Variants in ZYG11A observed in about 807,000 individuals in gnomAD.
The protein encoded by ZYG11A is zyg-11 family member A, cell cycle regulator.
ZYG11A carries 62 observed loss-of-function variants against 77.2 expected under a neutral mutation model. The ratio of observed to expected loss-of-function variants is 0.80; its 90% confidence interval spans 0.65 to 0.99. The LOEUF is 0.99. Among genes scored for constraint, ZYG11A ranks in the 50% least tolerant of loss-of-function variants. The pLI is 0.00. For missense variants in ZYG11A, 828 were observed against 896.8 expected, an observed-to-expected ratio of 0.92 and a Z score of 0.98; for synonymous variants, 315 against 324.6, an observed-to-expected ratio of 0.97 and a Z score of 0.32.
At chr1:52,870,764 G>T (rs1017426807) in intron 8 of ZYG11A, among the ~76,000 whole-genome samples, 2 of 152,170 alleles carry the variant, frequency 1.3e-5, no homozygotes, top group African/African-American at 4.8e-5. Context: ...GGCAGGCTGA[G>T]GCAGGAGAGT....
At chr1:52,888,440 C>T (rs1481913977) in intron 13 of ZYG11A, among the ~76,000 whole-genome samples, 2 of 152,130 alleles carry the variant, frequency 1.3e-5, no homozygotes, top group East Asian at 1.9e-4. Flanking sequence ...TCACTGCAAC[C>T]TCTGCCTCCT....
intron 3 of ZYG11A, among the ~76,000 whole-genome samples, chr1:52,857,975 T>C (rs544706982): frequency 2.7e-4 from 41 of 152,024 alleles, no homozygotes; most frequent in African/African-American, 9.4e-4. Context: ...TTAATAGAGA[T>C]TGGGTTTCTT....
At chr1:52,869,443 ACT>A in intron 8 of ZYG11A, among the ~76,000 whole-genome samples, 1 of 150,608 alleles carries the variant, frequency 6.6e-6, no homozygotes. Context: ...AGTGGTGATG[ACT>A]CTTAACGAGC....
chr1:52,862,816 T>C (rs1645955638), intron 4 of ZYG11A, among the ~76,000 whole-genome samples: 1 of 152,162 alleles, frequency 6.6e-6, no homozygotes, highest in African/African-American at 2.4e-5. Context: ...TCTCACTCTG[T>C]TGCCCAGGCT....
In ZYG11A at chr1:52,867,606, G is replaced by A; in HGVS notation, c.1459G>A (p.Ala487Thr). 1.3e-6 allele frequency: 2 copies of A among 1,552,204 alleles called. No individual in the cohort carries two copies. Among genetic ancestry groups the A allele is most frequent in the Non-Finnish European group, 1.7e-6 (2 of 1,147,074 alleles). Residue 487 changes from alanine (A) to threonine (T), a missense_variant, in exon 7 of 14, where the codon GCA becomes ACA. By Grantham distance (58) the Ala-to-Thr change is moderately conservative. Coordinates refer to ENST00000371528, the MANE Select transcript of ZYG11A (RefSeq NM_001004339.3). Reference sequence around the variant, plus strand: ...TGAAAACCCCAAGATGCAAACAATGGCAGTGAGTGTCACCTCTATTCTGGC... The same window carrying A: ...TGAAAACCCCAAGATGCAAACAATGACAGTGAGTGTCACCTCTATTCTGGC... ...KHENPKMQTM[A>T]VSVTSILALQ... is the part of the protein sequence containing the mutation.
chr1:52,878,059 A>G, intron 10 of ZYG11A, 90 bp downstream of exon 10: 1 of 1,107,692 alleles, frequency 9.0e-7, no homozygotes, highest in South Asian at 1.4e-5. Context: ...GCAGTATTGT[A>G]AGCAATTTAC....
intron 10 of ZYG11A, among the ~76,000 whole-genome samples, chr1:52,879,235 C>T (rs499195): frequency 0.41 from 61,973 of 151,980 alleles, 15,412 homozygotes; most frequent in Non-Finnish European, 0.57. Context: ...TGGAAAAATA[C>T]GGATGCATGA....
chr1:52,842,895 C>T lies in ZYG11A; in HGVS notation c.12C>T (p.Phe4=), dbSNP rs1162845533. 64 of 1,532,198 alleles carry T rather than the reference C, an allele frequency of 4.2e-5. No homozygotes were observed. The highest frequency in any genetic ancestry group is 5.4e-5 in the Non-Finnish European group (62 of 1,138,992). The allele number at this position is 1,532,198 out of a possible 1,614,324, so 94.9% of individuals were successfully genotyped here. A position where few individuals can be genotyped will look rare whatever the true frequency, so the allele number is the denominator to read the frequency against. MVH[F]LHPGHTPRNI... Reference sequence around the variant, plus strand: ...CCGCCGGGGTTGCCATGGTTCATTTCTTGCACCCGGGCCACACGCCCCGGA... The same window carrying T: ...CCGCCGGGGTTGCCATGGTTCATTTTTTGCACCCGGGCCACACGCCCCGGA... The change falls in exon 1 of 14, where the codon TTC becomes TTT. Residue 4 remains phenylalanine, a synonymous_variant. Transcript: ENST00000371528.
At chr1:52,866,641 G>A in intron 6 of ZYG11A, 74 bp downstream of exon 6, 1 of 868,636 alleles carries the variant, frequency 1.2e-6, no homozygotes, top group Non-Finnish European at 1.8e-6. Flanking sequence ...GATTAAGGCT[G>A]GGATAAGGTG....
At position 52,881,483 on chromosome 1, in the gene ZYG11A, G is replaced by A. The variant is rs1646360631; in HGVS notation, c.1762G>A (p.Glu588Lys). 1 of 1,550,046 alleles carries A rather than the reference G, an allele frequency of 6.5e-7. No individual in the cohort carries two copies. The highest frequency in any genetic ancestry group is 2.0e-5 in the Admixed American group (1 of 50,808). ...ATCTGACCTGTAGAACAACATAGCA[G>A]AAGTCAGAGAGCTCTCTTCCAAGCT... ...KVLGLLNNIA[E>K]VRELSSKLVT... is the part of the protein sequence containing the mutation. The change falls in exon 11 of 14, where the codon GAA becomes AAA. Residue 588 changes from glutamate to lysine, a missense_variant. Glu to Lys is a moderately conservative substitution (Grantham distance 56). Transcript: ENST00000371528.
At chr1:52,884,695 A>G (rs1399534486) in intron 11 of ZYG11A, among the ~76,000 whole-genome samples, 2 of 152,146 alleles carry the variant, frequency 1.3e-5, no homozygotes, top group Non-Finnish European at 2.9e-5. Context: ...AGTAGTCTGA[A>G]AGCCTAGTAA....
chr1:52,842,939 C>A lies in ZYG11A; in HGVS notation c.56C>A (p.Ala19Asp). 1 of 1,530,110 alleles carries A rather than the reference C, an allele frequency of 6.5e-7. No individual in the cohort carries two copies. The highest frequency in any genetic ancestry group is 1.4e-5 in the African/African-American group (1 of 70,304). 94.8% of individuals were successfully genotyped at this position (1,530,110 alleles called of 1,614,324 possible). ...CCCCGGAACATCGTCCCTCCTGACGCTCAGAAGGATGCCCTGGGCTGCTGC... is the reference window on the plus strand; with the variant it reads ...CCCCGGAACATCGTCCCTCCTGACGATCAGAAGGATGCCCTGGGCTGCTGC... ...HTPRNIVPPD[A>D]QKDALGCCVV... Residue 19 changes from alanine to aspartate, a missense_variant, in exon 1 of 14, where the codon GCT becomes GAT. By Grantham distance (126) the Ala-to-Asp change is moderately radical. Transcript: ENST00000371528.
At chr1:52,884,842 A>T (rs1434609691) in intron 11 of ZYG11A, among the ~76,000 whole-genome samples, 2 of 151,716 alleles carry the variant, frequency 1.3e-5, no homozygotes, top group African/African-American at 4.8e-5. Flanking sequence ...TTTATTAAGG[A>T]TCACAGAAGA....
intron 13 of ZYG11A, among the ~76,000 whole-genome samples, chr1:52,889,261 A>G (rs1227291766): frequency 6.6e-6 from 1 of 152,124 alleles, no homozygotes; most frequent in Non-Finnish European, 1.5e-5. Flanking sequence ...CAGCCTCCCA[A>G]ATAGCTGGGA....
intron 8 of ZYG11A, among the ~76,000 whole-genome samples, chr1:52,870,556 C>T (rs1012437890): frequency 6.6e-6 from 1 of 152,204 alleles, no homozygotes; most frequent in Non-Finnish European, 1.5e-5. Flanking sequence ...GCCACTGCAC[C>T]CCAGCCTGGG....
At chr1:52,891,273 T>C (rs912255763) in intron 13 of ZYG11A, among the ~76,000 whole-genome samples, 2 of 151,930 alleles carry the variant, frequency 1.3e-5, no homozygotes, top group Non-Finnish European at 2.9e-5. Flanking sequence ...ACTTTTTATT[T>C]GCTTCTTTTC....
rs1348877297 is a variant in ZYG11A, at chr1:52,842,770, T to C, written c.-114T>C. The C allele has an allele frequency of 2.0e-6, 2 of 998,792 alleles. No homozygotes were observed. Among genetic ancestry groups the C allele is most frequent in the African/African-American group, 1.7e-5 (1 of 57,262 alleles). The allele number at this position is 998,792 out of a possible 1,614,324, so 61.9% of individuals were successfully genotyped here. ...CCGGCAGGGCGCGGCGCTAGCTCCG[T>C]GTGCCTCGCAGGCGTGGTGGGCGCG... On this transcript the variant is annotated 5_prime_UTR_variant, in exon 1 of 14. Coordinates refer to ENST00000371528, the MANE Select transcript of ZYG11A (RefSeq NM_001004339.3).
chr1:52,886,699 ATTTTT>A (rs386366962), intron 12 of ZYG11A, among the ~76,000 whole-genome samples: 4 of 69,136 alleles, frequency 5.8e-5, no homozygotes, highest in African/African-American at 1.9e-4. Context: ...GGCCCAGCTA[ATTTTT>A]TTTTTTTTTT....
rs1162408813 is a variant in ZYG11A, at chr1:52,845,307, C to T, written c.90+2334C>T. Among the ~76,000 whole-genome samples, 39 of 130,824 alleles carry T rather than the reference C, an allele frequency of 3.0e-4. 1 individual carries two copies. Among genetic ancestry groups the T allele is most frequent in the Non-Finnish European group, 1.7e-4 (11 of 63,014 alleles). The allele number at this position is 130,824 out of a possible 152,430, so 85.8% of individuals were successfully genotyped here. ...TTTGTATGTAGCCTAATGGTCTGTG[C>T]TTTTTTTTTTTTTTTTGAGACGGAG... On this transcript the variant is annotated intron_variant, in intron 1 of 13. Coordinates refer to ENST00000371528, the MANE Select transcript of ZYG11A (RefSeq NM_001004339.3).
Sources: allele counts gnomAD v4.1 joint callset (sites outside exome capture counted in the v4.1 genomes callset), GRCh38; gene constraint gnomAD v4.1.1; transcripts MANE v1.5; gene names NCBI Gene and HGNC (gene_info 2026-07-23, HGNC 2026-07-21).